ARRDC5: variants seen among roughly 807,000 people sequenced by gnomAD.
ARRDC5 encodes the protein arrestin domain-containing protein 5.
ARRDC5 carries 12 observed loss-of-function variants against 13.3 expected under a neutral mutation model. The observed-to-expected ratio is 0.90, with a 90% CI of 0.58 to 1.46. ARRDC5 has a LOEUF of 1.46. Ranked by LOEUF, ARRDC5 falls within the 40% of genes most tolerant of loss-of-function variation. The probability of loss-of-function intolerance (pLI) is 0.00; values close to 1 mark genes in which losing one functional copy is unlikely to be tolerated. For missense variants in ARRDC5, 406 were observed against 418.7 expected, an observed-to-expected ratio of 0.97 and a Z score of 0.26; for synonymous variants, 181 against 173.4, an observed-to-expected ratio of 1.04 and a Z score of -0.34.
intron 1 of ARRDC5, among the ~76,000 whole-genome samples, chr19:4,900,519 G>C (rs2031882357): frequency 6.6e-6 from 1 of 152,078 alleles, no homozygotes; most frequent in South Asian, 2.1e-4. Flanking sequence ...TATGAAATAG[G>C]ACCTCTTCCT....
chr19:4,905,928 A>C (rs987350680), upstream of ARRDC5, among the ~76,000 whole-genome samples: 37 of 152,174 alleles, frequency 2.4e-4, no homozygotes, highest in African/African-American at 8.9e-4. Context: ...TTTTTTTCTG[A>C]GACGCCTGGA....
intron 1 of ARRDC5, among the ~76,000 whole-genome samples, chr19:4,902,149 C>G (rs925497705): frequency 2.0e-5 from 3 of 152,136 alleles, no homozygotes; most frequent in African/African-American, 7.2e-5. Flanking sequence ...CTCGGCCTCT[C>G]AAAGTGCTGG....
At chr19:4,902,542 G>A in intron 1 of ARRDC5, 31 bp downstream of exon 1, 1 of 1,606,576 alleles carries the variant, frequency 6.2e-7, no homozygotes, top group Non-Finnish European at 8.5e-7. Context: ...TTCCTGTCAT[G>A]GCTAGGGGTG....
chr19:4,897,854 A>G (rs906573900), intron 1 of ARRDC5, among the ~76,000 whole-genome samples: 2 of 152,230 alleles, frequency 1.3e-5, no homozygotes, highest in African/African-American at 4.8e-5. Context: ...TGGGAGGCCA[A>G]GGCGGGCGGA....
intron 1 of ARRDC5, among the ~76,000 whole-genome samples, chr19:4,901,094 G>A (rs925823038): frequency 2.0e-5 from 3 of 151,716 alleles, no homozygotes; most frequent in Admixed American, 6.6e-5. Context: ...AGCCGAGATT[G>A]CGCCATTGCA....
At chr19:4,896,405 C>CACACACACATATAT (rs539564532) in intron 2 of ARRDC5, among the ~76,000 whole-genome samples, 42 of 106,384 alleles carry the variant, frequency 3.9e-4, no homozygotes, top group Admixed American at 1.0e-3. Context: ...CACACACACA[C>CACACACACATATAT]ATATATATAA....
upstream of ARRDC5, among the ~76,000 whole-genome samples, chr19:4,905,321 A>G (rs191150971): frequency 2.3e-3 from 345 of 149,970 alleles, 1 homozygote; most frequent in Middle Eastern, 0.01. Context: ...GGGTTTCACC[A>G]TGTTAGCCAG....
chr19:4,897,750 C>T (rs1274584946), intron 1 of ARRDC5, among the ~76,000 whole-genome samples: 1 of 152,160 alleles, frequency 6.6e-6, no homozygotes, highest in Non-Finnish European at 1.5e-5. Flanking sequence ...CTTCTGGCCA[C>T]AAGCAGTCCT....
intron 1 of ARRDC5, among the ~76,000 whole-genome samples, chr19:4,899,875 C>G (rs1370393017): frequency 6.7e-6 from 1 of 149,790 alleles, no homozygotes; most frequent in Non-Finnish European, 1.5e-5. Flanking sequence ...GGAGGCGGAG[C>G]TTGCAGTGAG....
upstream of ARRDC5, among the ~76,000 whole-genome samples, chr19:4,903,956 C>G (rs1321258688): frequency 2.6e-5 from 4 of 152,098 alleles, 1 homozygote. Context: ...CATCAGGAAG[C>G]AGCAACTCCC....
At chr19:4,903,898 G>T (rs1437544364), upstream of ARRDC5, among the ~76,000 whole-genome samples, 2 of 152,144 alleles carry the variant, frequency 1.3e-5, no homozygotes, top group Non-Finnish European at 2.9e-5. Flanking sequence ...AATCTGGTGC[G>T]CACTGAAGTT....
Position 4,891,325 on chromosome 19 carries a change from A to G in ARRDC5, c.708T>C (p.Leu236=), listed in dbSNP as rs1351620596. 2 of 1,613,758 alleles carry G rather than the reference A, an allele frequency of 1.2e-6. No homozygotes were observed. The highest frequency in any genetic ancestry group is 2.7e-5 in the African/African-American group (2 of 74,916). Residue 236 remains leucine, a synonymous_variant, in exon 3 of 3, where the codon CTT becomes CTC. Coordinates refer to ENST00000650722, the MANE Select transcript of ARRDC5 (RefSeq NM_001080523.3). The stretch of plus-strand genomic sequence containing the variant: ...CGGGGGTGTTGGCCTCCTGCCTCAG[A>G]AGCTCGCTGCTGTCCAGCCGAGACC... ...ERRSRLDSSE[L]LRQEANTPVT...
intron 1 of ARRDC5, among the ~76,000 whole-genome samples, 183 bp from the exon 2 acceptor site, chr19:4,897,059 C>T (rs551875522): frequency 3.9e-4 from 60 of 152,170 alleles, no homozygotes; most frequent in African/African-American, 1.1e-3. Flanking sequence ...TAGGTTCAAG[C>T]GATTCTCCTG....
intron 2 of ARRDC5, among the ~76,000 whole-genome samples, chr19:4,896,361 T>TACACAC (rs71170877): frequency 0.043 from 3,615 of 84,864 alleles, 125 homozygotes; most frequent in Non-Finnish European, 0.048. Context: ...TTTTTTTTTT[T>TACACAC]ACACACACAC....
intron 1 of ARRDC5, among the ~76,000 whole-genome samples, chr19:4,900,207 G>A (rs2146256712): frequency 6.9e-6 from 1 of 145,712 alleles, no homozygotes; most frequent in South Asian, 2.2e-4. Context: ...GAGTGCAGTG[G>A]CGTGATCTCG....
chr19:4,915,876 G>A, the ARRDC5 span, among the ~76,000 whole-genome samples: 9 of 152,206 alleles, frequency 5.9e-5, no homozygotes, highest in African/African-American at 1.9e-4. Flanking sequence ...TGCTGGAACA[G>A]ATCCTTACGT....
At chr19:4,911,093 GC>G in the ARRDC5 span, 1 of 1,424,070 alleles carries the variant, frequency 7.0e-7, no homozygotes, top group East Asian at 2.6e-5. Context: ...TCGCGCCTCT[GC>G]AGCCACCAGC....
rs545228129 is a variant in ARRDC5 at position 4,896,407 on chromosome 19, T to C, written c.459+264A>G. Among the ~76,000 whole-genome samples, 1,771 of 102,984 alleles carry C rather than the reference T, an allele frequency of 0.017. 12 individuals are homozygous for C. The highest frequency in any genetic ancestry group is 0.039 in the South Asian group (121 of 3,094). 67.6% of individuals were successfully genotyped at this position (102,984 alleles called of 152,430 possible). Reference sequence around the variant, plus strand: ...ACACACACACACACACACACACACATATATATAATTTTATTTTAGAGACAG... The same window carrying C: ...ACACACACACACACACACACACACACATATATAATTTTATTTTAGAGACAG... On this transcript the variant is annotated intron_variant, in intron 2 of 2. Coordinates refer to ENST00000650722, the MANE Select transcript of ARRDC5 (RefSeq NM_001080523.3).
At chr19:4,897,199 C>T (rs1343010689) in intron 1 of ARRDC5, among the ~76,000 whole-genome samples, 7 of 152,172 alleles carry the variant, frequency 4.6e-5, no homozygotes, top group Non-Finnish European at 7.3e-5. Flanking sequence ...TCCGGCGATC[C>T]GCCCGTCTTG....
Sources: gnomAD v4.1 joint callset for allele counts (sites outside exome capture counted in the v4.1 genomes callset) on GRCh38, gnomAD v4.1.1 for gene constraint, MANE v1.5 for transcripts, NCBI Gene and HGNC (gene_info 2026-07-23, HGNC 2026-07-21) for gene names.